FARP1: variants seen among roughly 807,000 people sequenced by gnomAD.
The protein encoded by FARP1 is FERM, ARH/RhoGEF and pleckstrin domain protein 1.
FARP1 carries 52 observed loss-of-function variants against 128.8 expected under a neutral mutation model. The ratio of observed to expected loss-of-function variants is 0.40; its 90% confidence interval spans 0.32 to 0.51. The LOEUF (loss-of-function observed/expected upper bound fraction) is 0.51, where lower values mean the gene tolerates loss of function less well. FARP1 is among the 20% of genes least tolerant of loss of function. The probability of loss-of-function intolerance (pLI) is 0.45; values close to 1 mark genes in which losing one functional copy is unlikely to be tolerated. For missense variants in FARP1, 1,333 were observed against 1,367.9 expected, an observed-to-expected ratio of 0.97 and a Z score of 0.40; for synonymous variants, 580 against 551.8, an observed-to-expected ratio of 1.05 and a Z score of -0.72.
At chr13:98,175,537 A>T (rs1336894874) in intron 1 of FARP1, among the ~76,000 whole-genome samples, 1 of 152,112 alleles carries the variant, frequency 6.6e-6, no homozygotes, top group Non-Finnish European at 1.5e-5. Context: ...AAAAAAATTA[A>T]TTATAGTACA....
intron 15 of FARP1, among the ~76,000 whole-genome samples, chr13:98,411,238 G>A (rs776862577): frequency 5.3e-5 from 8 of 152,198 alleles, no homozygotes; most frequent in Middle Eastern, 3.4e-3. Flanking sequence ...CCAGAAGACC[G>A]CCTTTTATTA....
At chr13:98,337,241 T>G (rs545588793) in intron 2 of FARP1, among the ~76,000 whole-genome samples, 1 of 152,112 alleles carries the variant, frequency 6.6e-6, no homozygotes, top group Non-Finnish European at 1.5e-5. Context: ...GATGCGGTTT[T>G]GCGCTCCTGT....
At chr13:98,288,696 C>T (rs1404576231) in intron 2 of FARP1, among the ~76,000 whole-genome samples, 2 of 152,188 alleles carry the variant, frequency 1.3e-5, no homozygotes, top group Non-Finnish European at 2.9e-5. Flanking sequence ...GTGGTGCCTA[C>T]AGACGGATCA....
chr13:98,338,680 C>T (rs1348507202), intron 2 of FARP1: 2 of 152,188 alleles, frequency 1.3e-5, no homozygotes, highest in Non-Finnish European at 2.9e-5. Flanking sequence ...GAAGTGAGAT[C>T]GCTGTATCCT....
At chr13:98,214,510 C>G (rs1022564986) in intron 2 of FARP1, among the ~76,000 whole-genome samples, 11 of 152,244 alleles carry the variant, frequency 7.2e-5, no homozygotes, top group African/African-American at 2.6e-4. Context: ...TTCCTGTTGG[C>G]TAGAGGGGCT....
At position 98,400,789 on chromosome 13, in the gene FARP1, C is replaced by G. The variant is rs558982658; in HGVS notation, c.1414+5313C>G. 2.6e-5 allele frequency: 4 copies of G among 152,286 alleles called. 1 individual carries two copies. The highest frequency in any genetic ancestry group is 7.2e-5 in the African/African-American group (3 of 41,560). 9.4% of individuals were successfully genotyped at this position (152,286 alleles called of 1,614,324 possible). A position where few individuals can be genotyped will look rare whatever the true frequency, so the allele number is the denominator to read the frequency against. On this transcript the variant is annotated intron_variant, in intron 13 of 26. Coordinates refer to ENST00000319562, the MANE Select transcript of FARP1 (RefSeq NM_005766.4). ...ACTTAGTTCTAAGACTGGCCTTCCT[C>G]TAGTGTGATGGTATGAGTCTATTCT...
At chr13:98,305,534 A>G (rs1886108208) in intron 2 of FARP1, among the ~76,000 whole-genome samples, 1 of 152,100 alleles carries the variant, frequency 6.6e-6, no homozygotes, top group Non-Finnish European at 1.5e-5. Flanking sequence ...GGGTTTCTCC[A>G]TGTTGGTCAG....
In FARP1 at chr13:98,220,069, G is replaced by A. The variant is rs568564005; in HGVS notation, c.171+6656G>A. On this transcript the variant is annotated intron_variant, in intron 2 of 26. Transcript: ENST00000319562. ...TTTTTTTCTTTTTCTTTTTCTCCCCGCAAAGAGGTGAAATACACATTTAAC... is the reference window on the plus strand; with the variant it reads ...TTTTTTTCTTTTTCTTTTTCTCCCCACAAAGAGGTGAAATACACATTTAAC... Among the ~76,000 whole-genome samples, 34 of 150,344 alleles carry A rather than the reference G, an allele frequency of 2.3e-4. 1 individual carries two copies. The highest frequency in any genetic ancestry group is 8.1e-4 in the African/African-American group (33 of 40,842).
At chr13:98,364,981 A>G (rs1889023453) in intron 3 of FARP1, among the ~76,000 whole-genome samples, 1 of 152,136 alleles carries the variant, frequency 6.6e-6, no homozygotes, top group Admixed American at 6.5e-5. Context: ...CCCTTTCCGC[A>G]TCCCTCAAAG....
chr13:98,213,369 A>G lies in FARP1; in HGVS notation c.127A>G (p.Lys43Glu). ...PTPSGKLVSI[K>E]IQMLDDTQEA... ...ACCTTCAGGAAAACTCGTGTCCATC[A>G]AAATCCAGATGCTGGATGACACCCA... The change falls in exon 2 of 27, where the codon AAA becomes GAA. Residue 43 changes from lysine (K) to glutamate (E), a missense_variant. Lys to Glu is a moderately conservative substitution (Grantham distance 56). Coordinates refer to ENST00000319562, the MANE Select transcript of FARP1 (RefSeq NM_005766.4). 1 of 1,614,116 alleles carries G rather than the reference A, an allele frequency of 6.2e-7. No individual in the cohort carries two copies. The highest frequency in any genetic ancestry group is 8.5e-7 in the Non-Finnish European group (1 of 1,180,002).
chr13:98,265,436 C>T (rs1160745081), intron 2 of FARP1, among the ~76,000 whole-genome samples: 1 of 149,164 alleles, frequency 6.7e-6, no homozygotes, highest in African/African-American at 2.5e-5. Flanking sequence ...TCTCCTGCCT[C>T]AGCCTCCCAA....
chr13:98,153,394 T>C (rs1156425375), intron 1 of FARP1, among the ~76,000 whole-genome samples: 1 of 106,652 alleles, frequency 9.4e-6, no homozygotes, highest in African/African-American at 2.9e-5. Flanking sequence ...TAATAAATAA[T>C]ACATTATATA....
intron 2 of FARP1, among the ~76,000 whole-genome samples, chr13:98,221,246 T>A (rs1881397653): frequency 6.6e-6 from 1 of 152,228 alleles, no homozygotes; most frequent in South Asian, 2.1e-4. Flanking sequence ...CCCTGAACTT[T>A]AGTTTCCTTC....
rs567382198 is a variant in FARP1, at chr13:98,445,875, CAG to C, written c.2797-222_2797-221del. On this transcript the variant is annotated intron_variant, in intron 24 of 26. Transcript: ENST00000319562. ...CCTCAACGTGTCTTTTGGGGGGACA[CAG>C]GGACCCCAAGATGCCCCACAGCAAG... is the stretch of plus-strand genomic sequence containing the variant. 170 of 504,504 alleles carry C rather than the reference CAG, an allele frequency of 3.4e-4. 1 individual carries two copies. Among genetic ancestry groups the C allele is most frequent in the African/African-American group, 2.8e-3 (143 of 51,010 alleles). 31.3% of individuals were successfully genotyped at this position (504,504 alleles called of 1,614,324 possible).
chr13:98,292,145 A>G (rs758641903), intron 2 of FARP1, among the ~76,000 whole-genome samples: 37 of 152,252 alleles, frequency 2.4e-4, no homozygotes, highest in Non-Finnish European at 5.3e-4. Context: ...TTCTGGAAGC[A>G]TCCACAGCCC....
intron 1 of FARP1, among the ~76,000 whole-genome samples, chr13:98,190,804 C>T (rs1254053466): frequency 1.3e-5 from 2 of 151,470 alleles, no homozygotes; most frequent in African/African-American, 4.9e-5. Flanking sequence ...CGCTTGGCCT[C>T]CCAAAGTGCT....
intron 13 of FARP1, chr13:98,396,786 T>C (rs867493766): frequency 6.8e-6 from 2 of 292,590 alleles, no homozygotes; most frequent in Middle Eastern, 9.3e-4. Flanking sequence ...AGAAACACTT[T>C]ATTATGAATC....
At chr13:98,372,224 C>CT (rs1354518265) in intron 5 of FARP1, among the ~76,000 whole-genome samples, 1 of 151,954 alleles carries the variant, frequency 6.6e-6, no homozygotes, top group East Asian at 1.9e-4. Flanking sequence ...GTAGCTGAGA[C>CT]TACAGGCACG....
intron 2 of FARP1, among the ~76,000 whole-genome samples, chr13:98,284,033 A>T (rs1885057420): frequency 6.6e-6 from 1 of 152,230 alleles, no homozygotes; most frequent in African/African-American, 2.4e-5. Context: ...TGAAGTTCTC[A>T]ATAGCCTCAT....
Sources: allele counts gnomAD v4.1 joint callset (sites outside exome capture counted in the v4.1 genomes callset), GRCh38; gene constraint gnomAD v4.1.1; transcripts MANE v1.5; gene names NCBI Gene and HGNC (gene_info 2026-07-23, HGNC 2026-07-21).